Variants in BIRC6 observed in about 807,000 individuals in gnomAD.
BIRC6 encodes dual E2 ubiquitin-conjugating enzyme/E3 ubiquitin-protein ligase BIRC6.
A neutral mutation model predicts 503.3 loss-of-function variants in BIRC6; 98 were observed. That is an observed-to-expected ratio of 0.19 (90% CI 0.17 to 0.23). The LOEUF (loss-of-function observed/expected upper bound fraction) is 0.23. BIRC6 is among the 10% of genes least tolerant of loss of function. The pLI is 1.00. For synonymous variants in BIRC6, 2,240 were observed against 2,078.7 expected (o/e 1.08, Z -2.11); for missense variants, 5,360 against 5,806.0 (o/e 0.92, Z 2.50).
At chr2:32,421,856 T>G (rs563004082) in intron 10 of BIRC6, among the ~76,000 whole-genome samples, 2 of 152,352 alleles carry the variant, frequency 1.3e-5, no homozygotes, top group African/African-American at 2.4e-5. Flanking sequence ...TACGTGTATG[T>G]TTTTTAGTTG....
At chr2:32,575,005 C>T in intron 65 of BIRC6, 151 bp from the exon 66 acceptor site, 1 of 769,154 alleles carries the variant, frequency 1.3e-6, no homozygotes, top group South Asian at 1.7e-5. Flanking sequence ...GCCTCGGCCT[C>T]ACAAAGTACT....
intron 23 of BIRC6, among the ~76,000 whole-genome samples, chr2:32,454,963 A>G (rs1327977844): frequency 6.6e-6 from 1 of 152,182 alleles, no homozygotes; most frequent in Admixed American, 6.5e-5. Context: ...CTTGGACTAT[A>G]TAGTCATTTT....
At chr2:32,363,820 A>G (rs1558524889) in intron 1 of BIRC6, among the ~76,000 whole-genome samples, 1 of 152,178 alleles carries the variant, frequency 6.6e-6, no homozygotes, top group East Asian at 1.9e-4. Flanking sequence ...ACAAATGTAA[A>G]ATAGGGGATG....
chr2:32,409,380 T>C (rs1284104865), intron 9 of BIRC6, among the ~76,000 whole-genome samples: 1 of 152,172 alleles, frequency 6.6e-6, no homozygotes, highest in African/African-American at 2.4e-5. Flanking sequence ...GGTCTTGAAC[T>C]CCTGACCTCA....
At chr2:32,402,943 G>C (rs573917734) in intron 8 of BIRC6, among the ~76,000 whole-genome samples, 2 of 152,240 alleles carry the variant, frequency 1.3e-5, no homozygotes, top group South Asian at 4.2e-4. Flanking sequence ...CTGCATTTTA[G>C]ATAAACATGT....
At position 32,593,974 on chromosome 2, in the gene BIRC6, A is replaced by T. The variant is rs774271622; in HGVS notation, c.13415A>T (p.Glu4472Val). Residue 4472 changes from glutamate to valine, a missense_variant, in exon 67 of 74, where the codon GAA (glutamate) becomes GTA (valine). Glu to Val is a moderately radical substitution (Grantham distance 121). Transcript: ENST00000421745. ...CCAGATGCGTCTGATCAAGAACCAG[A>T]AGGACTTACTCTTTTGGTACCAGAC... ...VKPDASDQEPEGLTLLVPDIQ... is the reference protein window; with the variant it reads ...VKPDASDQEPVGLTLLVPDIQ... The T allele has an allele frequency of 6.2e-7, 1 of 1,613,644 alleles. No homozygotes were observed. The highest frequency in any genetic ancestry group is 8.5e-7 in the Non-Finnish European group (1 of 1,179,756).
intron 9 of BIRC6, among the ~76,000 whole-genome samples, chr2:32,408,596 A>G (rs2041510810): frequency 6.6e-6 from 1 of 151,940 alleles, no homozygotes; most frequent in Non-Finnish European, 1.5e-5. Context: ...ACATGTTTTT[A>G]CAGTTACAAT....
At chr2:32,477,300 T>A in intron 34 of BIRC6, 68 bp from the exon 35 acceptor site, 1 of 1,494,104 alleles carries the variant, frequency 6.7e-7, no homozygotes, top group Non-Finnish European at 9.1e-7. Context: ...TTTCATTACA[T>A]AAATCTATAC....
At chr2:32,468,919 T>C (rs761707372) in intron 29 of BIRC6, 136 bp downstream of exon 29, 1 of 669,502 alleles carries the variant, frequency 1.5e-6, no homozygotes, top group Non-Finnish European at 2.4e-6. Context: ...ATGAAATGTC[T>C]CTTTAGGTTA....
intron 1 of BIRC6, among the ~76,000 whole-genome samples, chr2:32,371,742 C>T (rs2035989905): frequency 1.3e-5 from 2 of 151,820 alleles, no homozygotes; most frequent in Admixed American, 6.6e-5. Flanking sequence ...TTATGAACTA[C>T]CCCCTCCTTA....
chr2:32,440,845 C>G (rs1279932018), intron 16 of BIRC6, among the ~76,000 whole-genome samples: 1 of 151,742 alleles, frequency 6.6e-6, no homozygotes. Context: ...TCACTGCAGC[C>G]TCCACCCACT....
intron 26 of BIRC6, among the ~76,000 whole-genome samples, chr2:32,466,715 C>A (rs1254822874): frequency 6.6e-6 from 1 of 152,048 alleles, no homozygotes; most frequent in East Asian, 1.9e-4. Flanking sequence ...TTTTTTAAAA[C>A]TCTGATGTTT....
In BIRC6 at chr2:32,509,753, G is replaced by T; in HGVS notation, c.9996G>T (p.Arg3332=). Residue 3332 remains arginine (R), a synonymous_variant, in exon 52 of 74, where the codon CGG becomes CGT. Coordinates refer to ENST00000421745, the MANE Select transcript of BIRC6 (RefSeq NM_016252.4). ...GTATTTTCAGTATTGGATGGTTACGGTTATTACATCATTGCCTTACTCACA... is the reference window on the plus strand; with the variant it reads ...GTATTTTCAGTATTGGATGGTTACGTTTATTACATCATTGCCTTACTCACA... ...QVSKTSIGWL[R]LLHHCLTHIS... is the part of the protein sequence containing the mutation. 6.2e-7 allele frequency: 1 copy of T among 1,613,938 alleles called. No individual in the cohort carries two copies. The highest frequency in any genetic ancestry group is 8.5e-7 in the Non-Finnish European group (1 of 1,179,868).
chr2:32,504,695 T>TA (rs1018322913), intron 49 of BIRC6, among the ~76,000 whole-genome samples: 4 of 150,790 alleles, frequency 2.7e-5, no homozygotes, highest in Admixed American at 6.6e-5. Flanking sequence ...AAATAAATAA[T>TA]AAAAAAAATT....
chr2:32,588,064 A>G (rs564363211), intron 66 of BIRC6, among the ~76,000 whole-genome samples: 1 of 152,338 alleles, frequency 6.6e-6, no homozygotes, highest in Admixed American at 6.5e-5. Flanking sequence ...TATTAACTGA[A>G]TAAGAATTAA....
rs771458248 is a variant in BIRC6 at position 32,469,633 on chromosome 2, G to C, written c.6347+19G>C. On this transcript the variant is annotated intron_variant, in intron 30 of 73. Transcript: ENST00000421745. Reference sequence around the variant, plus strand: ...AGGATAGGTAGGTCAGAAAATGTTGGAGGTATTTGTTATTAATGATGTGTA... The same window carrying C: ...AGGATAGGTAGGTCAGAAAATGTTGCAGGTATTTGTTATTAATGATGTGTA... 2 of 1,574,738 alleles carry C rather than the reference G, an allele frequency of 1.3e-6. No homozygotes were observed. Among genetic ancestry groups the C allele is most frequent in the African/African-American group, 2.7e-5 (2 of 73,444 alleles).
intron 70 of BIRC6, among the ~76,000 whole-genome samples, chr2:32,601,250 T>G (rs2062034127): frequency 6.6e-6 from 1 of 152,234 alleles, no homozygotes; most frequent in Non-Finnish European, 1.5e-5. Flanking sequence ...CACAGAGCAT[T>G]GAAAGAGTAG....
intron 68 of BIRC6, among the ~76,000 whole-genome samples, chr2:32,596,645 A>T (rs1191802261): frequency 6.6e-6 from 1 of 151,956 alleles, no homozygotes. Flanking sequence ...GAGTTTCCAG[A>T]CATATGTTTG....
At chr2:32,523,491 T>A (rs2055951018) in intron 57 of BIRC6, 1 of 152,220 alleles carries the variant, frequency 6.6e-6, no homozygotes, top group Non-Finnish European at 1.5e-5. Context: ...TCAGTATGTT[T>A]GCCATTTTTA....
Sources: gnomAD v4.1 joint callset for allele counts (sites outside exome capture counted in the v4.1 genomes callset) on GRCh38, gnomAD v4.1.1 for gene constraint, MANE v1.5 for transcripts, NCBI Gene and HGNC (gene_info 2026-07-23, HGNC 2026-07-21) for gene names.